Variants in SYT16 observed in about 807,000 individuals in gnomAD.
The protein encoded by SYT16 is synaptotagmin-16.
Under a neutral mutation model 61.4 loss-of-function variants are expected in SYT16, and 42 were observed. The ratio of observed to expected loss-of-function variants is 0.68; its 90% confidence interval spans 0.53 to 0.89. The LOEUF is 0.89. Among genes scored for constraint, SYT16 ranks in the 40% least tolerant of loss-of-function variants. The pLI is 0.00. For missense variants in SYT16, 804 were observed against 807.3 expected (o/e 1.00, Z 0.05); for synonymous variants, 314 against 302.3 (o/e 1.04, Z -0.40).
At chr14:62,078,428 C>G (rs983505440) in intron 5 of SYT16, among the ~76,000 whole-genome samples, 1 of 152,018 alleles carries the variant, frequency 6.6e-6, no homozygotes, top group African/African-American at 2.4e-5. Context: ...GTTTCGTCCT[C>G]CATAAAATGA....
At chr14:62,096,823 A>T (rs1457361668) in intron 7 of SYT16, among the ~76,000 whole-genome samples, 2 of 152,196 alleles carry the variant, frequency 1.3e-5, no homozygotes, top group African/African-American at 4.8e-5. Context: ...TTAAAAATCA[A>T]TAAAAAGGCA....
At chr14:61,827,350 C>CAGAGTGAAGAAAGATGGTGAGACTT (rs1471248050) in intron 1 of SYT16, among the ~76,000 whole-genome samples, 17 of 152,166 alleles carry the variant, frequency 1.1e-4, no homozygotes, top group Non-Finnish European at 1.9e-4. Flanking sequence ...AGGTGCCTTG[C>CAGAGTGAAGAAAGATGGTGAGACTT]AGAGTGAAGA....
At chr14:61,901,096 T>G in intron 1 of SYT16, among the ~76,000 whole-genome samples, 1 of 152,244 alleles carries the variant, frequency 6.6e-6, no homozygotes, top group East Asian at 1.9e-4. Context: ...TTCAGCCACC[T>G]TCAGGCTTCC....
intron 1 of SYT16, among the ~76,000 whole-genome samples, chr14:61,872,438 T>C (rs2047360380): frequency 6.6e-6 from 1 of 152,202 alleles, no homozygotes; most frequent in African/African-American, 2.4e-5. Flanking sequence ...TATACCATCA[T>C]ACCTGGGGCT....
chr14:61,937,885 G>A (rs1359256121), intron 1 of SYT16, among the ~76,000 whole-genome samples: 1 of 152,090 alleles, frequency 6.6e-6, no homozygotes, highest in Non-Finnish European at 1.5e-5. Flanking sequence ...CACACATATT[G>A]ACAGAATACC....
chr14:61,843,509 G>A (rs1566622200), intron 1 of SYT16, among the ~76,000 whole-genome samples: 1 of 152,158 alleles, frequency 6.6e-6, no homozygotes, highest in East Asian at 1.9e-4. Context: ...TTTCCCTGAT[G>A]TTTTCTTGTA....
At chr14:61,925,285 T>A (rs2049490972) in intron 1 of SYT16, among the ~76,000 whole-genome samples, 1 of 152,132 alleles carries the variant, frequency 6.6e-6, no homozygotes, top group Non-Finnish European at 1.5e-5. Context: ...TATGCTGAGG[T>A]TGGAAAGTGT....
chr14:62,020,418 C>G (rs563480807), intron 3 of SYT16, among the ~76,000 whole-genome samples: 24 of 151,830 alleles, frequency 1.6e-4, no homozygotes, highest in African/African-American at 5.8e-4. Flanking sequence ...TCTCCCTCTC[C>G]CTCTTTCTGT....
chr14:62,053,219 A>T (rs2055390655), intron 3 of SYT16, among the ~76,000 whole-genome samples: 1 of 152,236 alleles, frequency 6.6e-6, no homozygotes, highest in Non-Finnish European at 1.5e-5. Context: ...GTCCATTCTG[A>T]TGAAGTCTCA....
At chr14:62,055,637 C>T (rs2055518750) in intron 3 of SYT16, among the ~76,000 whole-genome samples, 1 of 152,216 alleles carries the variant, frequency 6.6e-6, no homozygotes, top group Middle Eastern at 3.4e-3. Flanking sequence ...TAGAGGAGCC[C>T]TTGATATAGG....
chr14:61,821,316 C>T (rs1481066014), intron 1 of SYT16, among the ~76,000 whole-genome samples: 1 of 152,172 alleles, frequency 6.6e-6, no homozygotes, highest in African/African-American at 2.4e-5. Context: ...ATATTTTCTA[C>T]AGTGTTTTTT....
At chr14:61,917,651 C>CT (rs36035060) in intron 1 of SYT16, among the ~76,000 whole-genome samples, 26,392 of 151,138 alleles carry the variant, frequency 0.17, 2,710 homozygotes, top group East Asian at 0.3. Context: ...TGTGAAACCA[C>CT]TTTTTTTTTG....
At chr14:61,923,868 GT>G (rs751129696) in intron 1 of SYT16, among the ~76,000 whole-genome samples, 1 of 152,174 alleles carries the variant, frequency 6.6e-6, no homozygotes, top group African/African-American at 2.4e-5. Flanking sequence ...TCAAAACCAT[GT>G]TGACAAAAAT....
Position 62,069,775 on chromosome 14 carries a change from G to A in SYT16, c.696G>A (p.Leu232=), listed in dbSNP as rs2056221987. 1 of 1,614,004 alleles carries A rather than the reference G, an allele frequency of 6.2e-7. No individual in the cohort carries two copies. Among genetic ancestry groups the A allele is most frequent in the Non-Finnish European group, 8.5e-7 (1 of 1,179,886 alleles). The change falls in exon 4 of 8, where the codon TTG becomes TTA. Residue 232 remains leucine (L), a synonymous_variant. Transcript: ENST00000683842. ...AACCAAAATTCAGCCGTTCGTTGTT[G>A]ACACACGGAGAAGATGGCACAGAAG... is the stretch of plus-strand genomic sequence containing the variant. ...EQKPKFSRSL[L]THGEDGTEVS...
chr14:61,917,164 T>G (rs767181235), intron 1 of SYT16, among the ~76,000 whole-genome samples: 15 of 152,200 alleles, frequency 9.9e-5, no homozygotes, highest in South Asian at 4.2e-4. Context: ...ACCTCCATAA[T>G]GAGATTCTCA....
At chr14:61,953,714 C>A (rs1372091899) in intron 1 of SYT16, among the ~76,000 whole-genome samples, 2 of 152,048 alleles carry the variant, frequency 1.3e-5, no homozygotes, top group Non-Finnish European at 2.9e-5. Context: ...CTTTGATTGT[C>A]ACTTCCTTAT....
intron 3 of SYT16, among the ~76,000 whole-genome samples, chr14:62,046,083 T>C (rs2054968011): frequency 6.6e-6 from 1 of 152,188 alleles, no homozygotes; most frequent in South Asian, 2.1e-4. Flanking sequence ...GTAAAAGTGT[T>C]CCTATTTCTC....
chr14:62,067,724 G>C (rs995655889), intron 3 of SYT16, among the ~76,000 whole-genome samples: 1 of 152,132 alleles, frequency 6.6e-6, no homozygotes, highest in African/African-American at 2.4e-5. Context: ...CAATAGGCTG[G>C]GGGCATGGTG....
At chr14:61,829,665 T>C (rs1388724655) in intron 1 of SYT16, among the ~76,000 whole-genome samples, 5 of 151,968 alleles carry the variant, frequency 3.3e-5, no homozygotes, top group African/African-American at 9.7e-5. Context: ...CTTTTCTTTT[T>C]TTTTTTTGAG....
Sources: allele counts gnomAD v4.1 joint callset (sites outside exome capture counted in the v4.1 genomes callset), GRCh38; gene constraint gnomAD v4.1.1; transcripts MANE v1.5; gene names NCBI Gene and HGNC (gene_info 2026-07-23, HGNC 2026-07-21).